The following CNOT6 variants were observed in gnomAD, a reference collection of about 807,000 sequenced individuals.
CNOT6 encodes carbon catabolite repression 4 protein.
In CNOT6, 12 loss-of-function variants were observed where a neutral mutation model predicts 61.2. That is an observed-to-expected ratio of 0.20 (90% CI 0.13 to 0.32). The LOEUF (loss-of-function observed/expected upper bound fraction) is 0.32, where lower values mean the gene tolerates loss of function less well. Ranked by LOEUF, CNOT6 falls within the 10% of genes least tolerant of loss-of-function variation. The probability of loss-of-function intolerance (pLI) is 1.00; values close to 1 mark genes in which losing one functional copy is unlikely to be tolerated. For missense variants in CNOT6, 405 were observed against 663.9 expected (o/e 0.61, Z 4.28); for synonymous variants, 225 against 240.6 (o/e 0.94, Z 0.60).
chr5:180,522,995 G>C (rs552762073), intron 1 of CNOT6, among the ~76,000 whole-genome samples: 68 of 152,304 alleles, frequency 4.5e-4, no homozygotes, highest in Non-Finnish European at 4.4e-4. Flanking sequence ...TCAGAAGTGT[G>C]GGTGATGACC....
At chr5:180,561,716 G>A (rs1760197824) in intron 4 of CNOT6, among the ~76,000 whole-genome samples, 1 of 152,172 alleles carries the variant, frequency 6.6e-6, no homozygotes. Flanking sequence ...ACCTGGGAGT[G>A]GGGGCTCCTC....
intron 1 of CNOT6, among the ~76,000 whole-genome samples, chr5:180,524,607 A>C (rs183757491): frequency 4.6e-5 from 7 of 152,314 alleles, no homozygotes; most frequent in Admixed American, 3.9e-4. Flanking sequence ...TTGGCTGCCT[A>C]GGTGGAAATC....
chr5:180,568,177 T>C (rs561784735), intron 9 of CNOT6, among the ~76,000 whole-genome samples, 174 bp downstream of exon 9: 1 of 151,618 alleles, frequency 6.6e-6, no homozygotes, highest in Non-Finnish European at 1.5e-5. Context: ...AAGCTTAACA[T>C]GAGAAAGCAT....
At chr5:180,530,064 CAG>C (rs1468242771) in intron 2 of CNOT6, among the ~76,000 whole-genome samples, 1 of 152,232 alleles carries the variant, frequency 6.6e-6, no homozygotes, top group African/African-American at 2.4e-5. Flanking sequence ...CATTACTTCT[CAG>C]GGCAACCAGT....
chr5:180,556,595 A>C (rs1182707363), intron 4 of CNOT6, among the ~76,000 whole-genome samples: 1 of 152,044 alleles, frequency 6.6e-6, no homozygotes, highest in Non-Finnish European at 1.5e-5. Context: ...CTTTTGTTAC[A>C]CTCTTATAGC....
At position 180,549,914 on chromosome 5, in the gene CNOT6, A is replaced by ATTTTT; in HGVS notation, c.113-14_113-10dup. The ATTTTT allele has an allele frequency of 6.3e-7, 1 of 1,586,748 alleles. No homozygotes were observed. Among genetic ancestry groups the ATTTTT allele is most frequent in the South Asian group, 1.1e-5 (1 of 89,224 alleles). On this transcript the variant is annotated splice_polypyrimidine_tract_variant and intron_variant, in intron 2 of 11. Transcript: ENST00000261951. Reference sequence around the variant, plus strand: ...AGAAAACTATATAATCCGTTCCTGTATTTTTTTCTCTTACAGGAAAAGTAA... The same window carrying ATTTTT: ...AGAAAACTATATAATCCGTTCCTGTATTTTTTTTTTTTCTCTTACAGGAAAAGTAA...
intron 11 of CNOT6, among the ~76,000 whole-genome samples, chr5:180,571,709 G>A (rs1007660623): frequency 2.4e-4 from 37 of 152,152 alleles, no homozygotes; most frequent in South Asian, 1.0e-3. Flanking sequence ...GGGACTACAG[G>A]CGCCTACTAC....
intron 1 of CNOT6, among the ~76,000 whole-genome samples, chr5:180,495,200 C>T (rs1756550327): frequency 1.3e-5 from 2 of 152,202 alleles, no homozygotes; most frequent in African/African-American, 4.8e-5. Context: ...TACTGTCAAG[C>T]GGGAAACCAA....
At chr5:180,501,452 C>G in intron 1 of CNOT6, among the ~76,000 whole-genome samples, 1 of 152,134 alleles carries the variant, frequency 6.6e-6, no homozygotes, top group East Asian at 1.9e-4. Context: ...TGACATACCT[C>G]CTGGATACTT....
chr5:180,546,967 T>C (rs1397290450), intron 2 of CNOT6, among the ~76,000 whole-genome samples: 1 of 152,258 alleles, frequency 6.6e-6, no homozygotes, highest in Non-Finnish European at 1.5e-5. Flanking sequence ...TTATGGTTCA[T>C]ACATACTTTA....
chr5:180,546,629 C>T (rs1759328500), intron 2 of CNOT6, among the ~76,000 whole-genome samples: 1 of 152,202 alleles, frequency 6.6e-6, no homozygotes, highest in Non-Finnish European at 1.5e-5. Flanking sequence ...TAGTCAATTA[C>T]ATTTTAAATA....
chr5:180,566,339 A>G (rs1256578647), intron 7 of CNOT6, among the ~76,000 whole-genome samples: 1 of 152,210 alleles, frequency 6.6e-6, no homozygotes, highest in Non-Finnish European at 1.5e-5. Flanking sequence ...CACCGTGTAA[A>G]AAGGACTGAC....
At chr5:180,517,150 G>GT (rs1757672644) in intron 1 of CNOT6, among the ~76,000 whole-genome samples, 2 of 152,196 alleles carry the variant, frequency 1.3e-5, no homozygotes, top group East Asian at 1.9e-4. Context: ...AATCCTTTTT[G>GT]TTTTTTCTAA....
At chr5:180,534,077 AG>A (rs1279039589) in intron 2 of CNOT6, 1 of 152,984 alleles carries the variant, frequency 6.5e-6, no homozygotes, top group Non-Finnish European at 1.5e-5. Flanking sequence ...TTACCTCTAT[AG>A]GGGGGTGGGA....
intron 3 of CNOT6, among the ~76,000 whole-genome samples, chr5:180,550,628 C>T (rs1581543216): frequency 1.3e-5 from 2 of 152,120 alleles, no homozygotes; most frequent in East Asian, 3.9e-4. Flanking sequence ...TTTTTAATTA[C>T]TGTATTTTGT....
At chr5:180,514,574 A>G (rs1239933934) in intron 1 of CNOT6, among the ~76,000 whole-genome samples, 1 of 152,260 alleles carries the variant, frequency 6.6e-6, no homozygotes. Context: ...ATGGCTGAGG[A>G]AATGAGAATT....
chr5:180,542,779 C>T (rs993109835), intron 2 of CNOT6, among the ~76,000 whole-genome samples: 4 of 152,152 alleles, frequency 2.6e-5, no homozygotes, highest in African/African-American at 9.7e-5. Context: ...TAACATAGGT[C>T]AGGATAATCC....
chr5:180,562,619 A>T (rs1309804060), intron 4 of CNOT6, among the ~76,000 whole-genome samples: 1 of 152,160 alleles, frequency 6.6e-6, no homozygotes, highest in Non-Finnish European at 1.5e-5. Context: ...AGCTGCCTGT[A>T]GTCCCAGCTA....
chr5:180,514,728 G>A (rs537423658), intron 1 of CNOT6, among the ~76,000 whole-genome samples: 1 of 152,302 alleles, frequency 6.6e-6, no homozygotes, highest in Admixed American at 6.5e-5. Flanking sequence ...GTGCCTGGCA[G>A]AGTGCTTGTC....
Sources: gnomAD v4.1 joint callset for allele counts (sites outside exome capture counted in the v4.1 genomes callset) on GRCh38, gnomAD v4.1.1 for gene constraint, MANE v1.5 for transcripts, NCBI Gene and HGNC (gene_info 2026-07-23, HGNC 2026-07-21) for gene names.